The following AEN variants were observed in gnomAD, a reference collection of about 807,000 sequenced individuals.
AEN encodes apoptosis enhancing nuclease, also known as apoptosis-enhancing nuclease.
Under a neutral mutation model 17.7 loss-of-function variants are expected in AEN, and 21 were observed. The ratio of observed to expected loss-of-function variants is 1.19; its 90% confidence interval spans 0.84 to 1.71. The LOEUF is 1.71. Ranked by LOEUF, AEN falls within the 40% of genes most tolerant of loss-of-function variation. The pLI is 0.00. For synonymous variants in AEN, 190 were observed against 173.0 expected, an observed-to-expected ratio of 1.10 and a Z score of -0.77; for missense variants, 462 against 435.9, an observed-to-expected ratio of 1.06 and a Z score of -0.53.
At chr15:88,629,539 C>G (rs1393079787) in intron 3 of AEN, 113 bp downstream of exon 3, 2 of 1,309,966 alleles carry the variant, frequency 1.5e-6, no homozygotes, top group South Asian at 1.4e-5. Flanking sequence ...ATTCTCTTCC[C>G]TAGTCCAGGT....
chr15:88,621,066 G>T (rs1464742026), upstream of AEN, among the ~76,000 whole-genome samples: 3 of 152,210 alleles, frequency 2.0e-5, no homozygotes, highest in Non-Finnish European at 4.4e-5. Flanking sequence ...TAGAGGAGTG[G>T]ATTGGAGCCG....
At chr15:88,611,433 TAAAAAAAA>T in the AEN span, among the ~76,000 whole-genome samples, 1 of 94,026 alleles carries the variant, frequency 1.1e-5, no homozygotes, top group East Asian at 3.4e-4. Flanking sequence ...TTGTCTTTAC[TAAAAAAAA>T]AAAAAAAAAA....
the AEN span, among the ~76,000 whole-genome samples, chr15:88,614,006 T>G: frequency 6.6e-6 from 1 of 152,076 alleles, no homozygotes; most frequent in Non-Finnish European, 1.5e-5. Context: ...ATGTAGGAAT[T>G]TAATCCTATT....
chr15:88,614,719 G>A, the AEN span, among the ~76,000 whole-genome samples: 1 of 152,104 alleles, frequency 6.6e-6, no homozygotes, highest in Non-Finnish European at 1.5e-5. Flanking sequence ...GGAAGCTTTA[G>A]GTAACTCCAC....
At chr15:88,619,653 A>T (rs984944101), upstream of AEN, among the ~76,000 whole-genome samples, 1 of 152,166 alleles carries the variant, frequency 6.6e-6, no homozygotes, top group African/African-American at 2.4e-5. Context: ...GTGCCACTGC[A>T]TTCCAGCCTG....
the AEN span, among the ~76,000 whole-genome samples, chr15:88,612,323 G>C: frequency 6.6e-6 from 1 of 152,040 alleles, no homozygotes; most frequent in African/African-American, 2.4e-5. Context: ...ACTGGAGACC[G>C]AGGTTCCCGG....
Position 88,626,685 on chromosome 15 carries a change from G to T in AEN, c.476G>T (p.Arg159Leu). The stretch of plus-strand genomic sequence containing the variant: ...ATGCCCATCGCTGACTACCGTACCC[G>T]CTGGAGTGGCATCACTCGGCAGCAC... ...PEMPIADYRTRWSGITRQHMR... is the reference protein window; with the variant it reads ...PEMPIADYRTLWSGITRQHMR... Residue 159 changes from arginine to leucine, a missense_variant, in exon 2 of 4, where the codon CGC becomes CTC. Physicochemically the swap from Arg to Leu is moderately radical, Grantham distance 102. Coordinates refer to ENST00000332810, the MANE Select transcript of AEN (RefSeq NM_022767.4). 6.2e-7 allele frequency: 1 copy of T among 1,613,646 alleles called. No individual in the cohort carries two copies. The highest frequency in any genetic ancestry group is 8.5e-7 in the Non-Finnish European group (1 of 1,180,040).
At chr15:88,616,636 A>G (rs568682141), upstream of AEN, among the ~76,000 whole-genome samples, 18 of 152,356 alleles carry the variant, frequency 1.2e-4, no homozygotes, top group African/African-American at 4.3e-4. Flanking sequence ...CAATTTTTTT[A>G]TGATAAATGT....
rs747863590 is a variant in AEN, at chr15:88,629,296, A to G, written c.611A>G (p.Tyr204Cys). 10 of 1,613,942 alleles carry G rather than the reference A, an allele frequency of 6.2e-6. No individual in the cohort carries two copies. Among genetic ancestry groups the G allele is most frequent in the Non-Finnish European group, 8.5e-6 (10 of 1,180,002 alleles). ...CACAACGACTTCCAGGCGCTCAAGT[A>G]TGTCCACCCTCGGAGCCAGACCCGG... ...ALHNDFQALK[Y>C]VHPRSQTRDT... Residue 204 changes from tyrosine (Y) to cysteine (C), a missense_variant, in exon 3 of 4, where the codon TAT becomes TGT. By Grantham distance (194) the Tyr-to-Cys change is radical. Transcript: ENST00000332810.
chr15:88,631,541 T>G lies in AEN; in HGVS notation c.*1247T>G, dbSNP rs371680691. On this transcript the variant is annotated 3_prime_UTR_variant, in exon 4 of 4. Coordinates refer to ENST00000332810, the MANE Select transcript of AEN (RefSeq NM_022767.4). Reference sequence around the variant, plus strand: ...GGCTGTTTTTTCCTCATCTGTAAAGTGGGGATAGTGGTACGGCCTACCTCA... The same window carrying G: ...GGCTGTTTTTTCCTCATCTGTAAAGGGGGGATAGTGGTACGGCCTACCTCA... 2.0e-4 allele frequency: 39 copies of G among 194,454 alleles called. No individual in the cohort carries two copies. Among genetic ancestry groups the G allele is most frequent in the African/African-American group, 8.9e-4 (39 of 43,724 alleles). 12.0% of individuals were successfully genotyped at this position (194,454 alleles called of 1,614,324 possible).
intron 1 of AEN, among the ~76,000 whole-genome samples, chr15:88,623,530 T>G (rs2028389): frequency 0.73 from 111,599 of 152,152 alleles, 43,674 homozygotes; most frequent in Non-Finnish European, 0.87. Context: ...TTGGGGAAGG[T>G]ACAATCAAGG....
chr15:88,630,909 C>T lies in AEN; in HGVS notation c.*615C>T, dbSNP rs1268388112. The T allele has an allele frequency of 2.6e-5, 8 of 305,818 alleles. No individual in the cohort carries two copies. Among genetic ancestry groups the T allele is most frequent in the African/African-American group, 1.3e-4 (6 of 46,136 alleles). 18.9% of individuals were successfully genotyped at this position (305,818 alleles called of 1,614,324 possible). A position where few individuals can be genotyped will look rare whatever the true frequency, so the allele number is the denominator to read the frequency against. On this transcript the variant is annotated 3_prime_UTR_variant, in exon 4 of 4. Coordinates refer to ENST00000332810, the MANE Select transcript of AEN (RefSeq NM_022767.4). The surrounding 1 kb of genome is among the most constrained non-coding windows in gnomAD (Gnocchi z 5.1). ...CTGGCTACAGCCATTGTAGGAACTCCGTGCCTGGCCTGTCAGCTCCCTGCT... is the reference window on the plus strand; with the variant it reads ...CTGGCTACAGCCATTGTAGGAACTCTGTGCCTGGCCTGTCAGCTCCCTGCT...
chr15:88,628,997 C>G (rs574632326), intron 2 of AEN: 7 of 533,344 alleles, frequency 1.3e-5, no homozygotes, highest in South Asian at 1.2e-4. Flanking sequence ...CAGTGTTTCC[C>G]TTTGACAGGT....
Position 88,626,190 on chromosome 15 carries a change from C to A in AEN, c.-20C>A. The stretch of plus-strand genomic sequence containing the variant: ...ATTACTCCCCAGGCTTCCCTTGCCC[C>A]AAGCAGTGAGCTGACTGGAATGGTA... On this transcript the variant is annotated 5_prime_UTR_variant, in exon 2 of 4. Coordinates refer to ENST00000332810, the MANE Select transcript of AEN (RefSeq NM_022767.4). 1 of 1,551,346 alleles carries A rather than the reference C, an allele frequency of 6.4e-7. No homozygotes were observed.
Position 88,626,184 on chromosome 15 carries a change from T to A in AEN, c.-26T>A, listed in dbSNP as rs771623288. ...TGGAAGATTACTCCCCAGGCTTCCC[T>A]TGCCCCAAGCAGTGAGCTGACTGGA... On this transcript the variant is annotated 5_prime_UTR_variant, in exon 2 of 4. The change creates a new upstream start codon in the 5' untranslated region. Transcript: ENST00000332810. The A allele has an allele frequency of 2.0e-5, 31 of 1,543,424 alleles. No individual in the cohort carries two copies. Among genetic ancestry groups the A allele is most frequent in the Non-Finnish European group, 2.6e-5 (30 of 1,146,358 alleles).
chr15:88,614,594 G>T, the AEN span, among the ~76,000 whole-genome samples: 4 of 152,146 alleles, frequency 2.6e-5, no homozygotes, highest in Non-Finnish European at 4.4e-5. Flanking sequence ...CGCCTTAACT[G>T]CATCAACCGG....
the AEN span, among the ~76,000 whole-genome samples, chr15:88,607,491 CTG>C: frequency 6.6e-6 from 1 of 152,354 alleles, no homozygotes; most frequent in Non-Finnish European, 1.5e-5. Flanking sequence ...AGCCTGTGCT[CTG>C]TGCACTGTTT....
the AEN span, chr15:88,605,080 G>C: frequency 6.6e-6 from 1 of 152,430 alleles, no homozygotes; most frequent in Non-Finnish European, 1.5e-5. This position sits in a 1 kb window ranked among gnomAD's most constrained non-coding sequence, Gnocchi z 7.6. Flanking sequence ...CCGGAGAAGC[G>C]AGCGGCCAGG....
chr15:88,614,807 C>T, the AEN span, among the ~76,000 whole-genome samples: 1 of 152,172 alleles, frequency 6.6e-6, no homozygotes, highest in Non-Finnish European at 1.5e-5. Flanking sequence ...TCAGGCCCCA[C>T]CCCAGACCAG....
Sources: gnomAD v4.1 joint callset for allele counts (sites outside exome capture counted in the v4.1 genomes callset) on GRCh38, gnomAD v4.1.1 for gene constraint, Gnocchi (gnomAD v3.1) non-coding constraint, MANE v1.5 for transcripts, NCBI Gene and HGNC (gene_info 2026-07-23, HGNC 2026-07-21) for gene names.